Variants in HPCAL1 observed in about 807,000 individuals in gnomAD.
HPCAL1 encodes hippocalcin like 1.
Under a neutral mutation model 17.1 loss-of-function variants are expected in HPCAL1, and 8 were observed. The ratio of observed to expected loss-of-function variants is 0.47; its 90% CI spans 0.27 to 0.84. The LOEUF (loss-of-function observed/expected upper bound fraction) is 0.84, where lower values mean the gene tolerates loss of function less well. Among genes scored for constraint, HPCAL1 ranks in the 40% least tolerant of loss-of-function variants. The pLI is 0.13. For synonymous variants in HPCAL1, 112 were observed against 111.4 expected, an observed-to-expected ratio of 1.01 and a Z score of -0.03; for missense variants, 165 against 271.1, an observed-to-expected ratio of 0.61 and a Z score of 2.75.
intron 3 of HPCAL1, among the ~76,000 whole-genome samples, chr2:10,422,089 C>G (rs1287328689): frequency 6.6e-6 from 1 of 152,128 alleles, no homozygotes; most frequent in African/African-American, 2.4e-5. Context: ...TAGAACTGTT[C>G]CAAGCAGTGA....
rs1665286708 is a variant in HPCAL1 at position 10,344,487 on chromosome 2, A to C, written c.-111+41310A>C. Among the ~76,000 whole-genome samples the C allele has an allele frequency of 6.6e-6, 1 of 152,242 alleles. No individual in the cohort carries two copies. The highest frequency in any genetic ancestry group is 6.5e-5 in the Admixed American group (1 of 15,290). On this transcript the variant is annotated intron_variant, in intron 1 of 4. Transcript: ENST00000307845. The surrounding 1 kb of genome is among the most constrained non-coding windows in gnomAD (Gnocchi z 4.9). Reference sequence around the variant, plus strand: ...CCATAGTTGTATAGTGATTGTCTTTATGGAACTCCAGAATAGCTTCTTAGA... The same window carrying C: ...CCATAGTTGTATAGTGATTGTCTTTCTGGAACTCCAGAATAGCTTCTTAGA...
rs542284039 is a variant in HPCAL1 at position 10,382,238 on chromosome 2, C to A, written c.-110-14597C>A. Among the ~76,000 whole-genome samples, 13 of 152,158 alleles carry A rather than the reference C, an allele frequency of 8.5e-5. No individual in the cohort carries two copies. The East Asian group carries it at 2.1e-3, about 25-fold the overall frequency. On this transcript the variant is annotated intron_variant, in intron 1 of 4. Coordinates refer to ENST00000307845, the MANE Select transcript of HPCAL1 (RefSeq NM_002149.4). ...CTATGATATCCTAGGAAAGGCAAAG[C>A]GATGGAGATAATAAACAGATCAGTG...
chr2:10,340,072 G>A (rs1426350945), intron 1 of HPCAL1, among the ~76,000 whole-genome samples: 2 of 152,188 alleles, frequency 1.3e-5, no homozygotes, highest in Non-Finnish European at 2.9e-5. Flanking sequence ...GCTTCTCATA[G>A]TATGAGCCTT....
At chr2:10,318,888 C>T (rs1021049928) in intron 1 of HPCAL1, among the ~76,000 whole-genome samples, 5 of 152,198 alleles carry the variant, frequency 3.3e-5, no homozygotes, top group Admixed American at 6.5e-5. Context: ...TAGCACCCAC[C>T]CGTGCCTTCT....
rs1289858875 is a variant in HPCAL1, at chr2:10,394,007, TG to T, written c.-110-2825del. 7.4e-4 allele frequency among the ~76,000 whole-genome samples: 112 copies of T among 151,080 alleles called. No homozygotes were observed. The highest frequency in any genetic ancestry group is 2.5e-3 in the African/African-American group (102 of 41,140). ...GGGTGCACCTGTAGTCCCAGTTACT[TG>T]GGAGGCTGAGGCTGGAGGATTGCTT... On this transcript the variant is annotated intron_variant, in intron 1 of 4. Transcript: ENST00000307845. This position sits in a 1 kb window ranked among gnomAD's most constrained non-coding sequence, Gnocchi z 5.0.
chr2:10,388,791 G>C (rs1668494810), intron 1 of HPCAL1, among the ~76,000 whole-genome samples: 1 of 152,222 alleles, frequency 6.6e-6, no homozygotes, highest in Non-Finnish European at 1.5e-5. Flanking sequence ...CAGTGTTTAA[G>C]AGTCCAGGTC....
At position 10,318,551 on chromosome 2, in the gene HPCAL1, A is replaced by C. The variant is rs566417073; in HGVS notation, c.-111+15374A>C. ...TGGTTAGAGTTGATGACCGCTCCGG[A>C]CATTGGCGATGTGAGGAAAGTGACA... On this transcript the variant is annotated intron_variant, in intron 1 of 4. Transcript: ENST00000307845. Among the ~76,000 whole-genome samples, 5 of 152,304 alleles carry C rather than the reference A, an allele frequency of 3.3e-5. No individual in the cohort carries two copies. In the East Asian group the frequency reaches 9.7e-4, roughly 29 times the overall value.
chr2:10,396,624 CTT>C (rs1669044038), intron 1 of HPCAL1, among the ~76,000 whole-genome samples: 1 of 152,238 alleles, frequency 6.6e-6, no homozygotes, highest in African/African-American at 2.4e-5. Flanking sequence ...TTGTCCTGGG[CTT>C]CTCGCCTGCT....
In HPCAL1 at chr2:10,362,251, G is replaced by A. The variant is rs573577668; in HGVS notation, c.-110-34584G>A. 1.3e-5 allele frequency among the ~76,000 whole-genome samples: 2 copies of A among 152,218 alleles called. No homozygotes were observed. The highest frequency in any genetic ancestry group is 2.1e-4 in the South Asian group (1 of 4,822). ...GTGTGCCAGCCTCATGGAGGCAAAC[G>A]GAGCTTCGGAACCCAGGTGTCGAGA... On this transcript the variant is annotated intron_variant, in intron 1 of 4. Transcript: ENST00000307845. The surrounding 1 kb of genome is among the most constrained non-coding windows in gnomAD (Gnocchi z 5.0).
rs1389437841 is a variant in HPCAL1 at position 10,342,665 on chromosome 2, T to C, written c.-111+39488T>C. ...GGAGGAACCCCGTGTGTTTGCACTGTGCTCTGAGCTCCCTCTCATGACTCT... is the reference window on the plus strand; with the variant it reads ...GGAGGAACCCCGTGTGTTTGCACTGCGCTCTGAGCTCCCTCTCATGACTCT... On this transcript the variant is annotated intron_variant, in intron 1 of 4. Transcript: ENST00000307845. The surrounding 1 kb of genome is among the most constrained non-coding windows in gnomAD (Gnocchi z 4.1). Among the ~76,000 whole-genome samples the C allele has an allele frequency of 2.0e-5, 3 of 152,232 alleles. No individual in the cohort carries two copies. In the East Asian group the frequency reaches 5.8e-4, roughly 29 times the overall value.
intron 1 of HPCAL1, among the ~76,000 whole-genome samples, chr2:10,374,148 G>T (rs1439450244): frequency 1.4e-5 from 2 of 138,422 alleles, no homozygotes; most frequent in African/African-American, 6.7e-5. Context: ...TTCCTTCAGG[G>T]CATCCTAAGT....
intron 1 of HPCAL1, among the ~76,000 whole-genome samples, chr2:10,316,995 G>T (rs913325259): frequency 6.6e-6 from 1 of 152,064 alleles, no homozygotes; most frequent in African/African-American, 2.4e-5. Flanking sequence ...CTGGGCCCTC[G>T]GGTTATTACA....
At chr2:10,350,579 A>G (rs73161292) in intron 1 of HPCAL1, among the ~76,000 whole-genome samples, 55,611 of 151,986 alleles carry the variant, frequency 0.37, 10,644 homozygotes, top group South Asian at 0.6. Flanking sequence ...CCCAAGTGCT[A>G]GTAAGCCACC....
chr2:10,326,743 G>T (rs750252978), intron 1 of HPCAL1, among the ~76,000 whole-genome samples: 5 of 152,232 alleles, frequency 3.3e-5, no homozygotes, highest in Non-Finnish European at 7.3e-5. Flanking sequence ...AGCACAGGGT[G>T]TGGGTGTGAC....
chr2:10,421,903 G>A (rs972909289), intron 3 of HPCAL1, among the ~76,000 whole-genome samples: 5 of 152,140 alleles, frequency 3.3e-5, no homozygotes, highest in Admixed American at 6.5e-5. Flanking sequence ...ACATGGGCTC[G>A]GGGAACTCTG....
At chr2:10,380,624 G>C (rs534226840) in intron 1 of HPCAL1, among the ~76,000 whole-genome samples, 2 of 152,112 alleles carry the variant, frequency 1.3e-5, no homozygotes, top group African/African-American at 2.4e-5. Flanking sequence ...TCCCTAGCAG[G>C]GTTGCTCCCT....
At chr2:10,327,819 C>T (rs1318685262) in intron 1 of HPCAL1, among the ~76,000 whole-genome samples, 1 of 152,206 alleles carries the variant, frequency 6.6e-6, no homozygotes, top group Non-Finnish European at 1.5e-5. Flanking sequence ...GGACTGAATT[C>T]TCTGTGTAGC....
rs148902144 is a variant in HPCAL1, at chr2:10,343,358, T to C, written c.-111+40181T>C. On this transcript the variant is annotated intron_variant, in intron 1 of 4. Transcript: ENST00000307845. The surrounding 1 kb of genome is among the most constrained non-coding windows in gnomAD (Gnocchi z 4.8). ...TAATGACTCTCTTCTAGGAGCAAGA[T>C]GATGCTAATTCTCACTAGCATGTGA... Among the ~76,000 whole-genome samples, 401 of 152,336 alleles carry C rather than the reference T, an allele frequency of 2.6e-3. 2 individuals are homozygous for C. The highest frequency in any genetic ancestry group is 9.3e-3 in the African/African-American group (388 of 41,568).
chr2:10,338,381 G>A (rs913073262), intron 1 of HPCAL1, among the ~76,000 whole-genome samples: 4 of 152,148 alleles, frequency 2.6e-5, no homozygotes, highest in African/African-American at 9.7e-5. Context: ...GTGAACTTTG[G>A]ATCAGTGCGG....
Sources: gnomAD v4.1 joint callset for allele counts (sites outside exome capture counted in the v4.1 genomes callset) on GRCh38, gnomAD v4.1.1 for gene constraint, Gnocchi (gnomAD v3.1) non-coding constraint, MANE v1.5 for transcripts, NCBI Gene and HGNC (gene_info 2026-07-23, HGNC 2026-07-21) for gene names.